The following ACACA variants were observed in gnomAD, a reference collection of about 807,000 sequenced individuals.
ACACA encodes the protein acetyl-CoA carboxylase 1.
Under a neutral mutation model 296.1 loss-of-function variants are expected in ACACA, and 103 were observed. That is an observed-to-expected ratio of 0.35 (90% CI 0.30 to 0.41). The LOEUF (loss-of-function observed/expected upper bound fraction) is 0.41, where lower values mean the gene tolerates loss of function less well. Among genes scored for constraint, ACACA ranks in the 10% least tolerant of loss-of-function variants. ACACA has a pLI of 1.00. For synonymous variants in ACACA, 953 were observed against 1,038.6 expected (o/e 0.92, Z 1.58); for missense variants, 1,554 against 2,989.7 (o/e 0.52, Z 11.20).
intron 3 of ACACA, among the ~76,000 whole-genome samples, chr17:37,320,250 G>A (rs2047288390): frequency 6.6e-6 from 1 of 152,098 alleles, no homozygotes; most frequent in Admixed American, 6.6e-5. Flanking sequence ...AGTGGCTCAC[G>A]CCTGTAATCC....
At chr17:37,383,284 A>G (rs1487027290) in intron 1 of ACACA, among the ~76,000 whole-genome samples, 1 of 152,144 alleles carries the variant, frequency 6.6e-6, no homozygotes, top group African/African-American at 2.4e-5. Flanking sequence ...GACAAGGAAA[A>G]CTGAGGGGTT....
intron 1 of ACACA, among the ~76,000 whole-genome samples, chr17:37,399,336 C>G (rs1292459969): frequency 6.6e-6 from 1 of 152,056 alleles, no homozygotes; most frequent in Non-Finnish European, 1.5e-5. Flanking sequence ...AGGAAAGTTT[C>G]AAAGTCCATG....
Position 37,149,878 on chromosome 17 carries a change from C to T in ACACA, c.5665G>A (p.Gly1889Arg), listed in dbSNP as rs1210593217. The T allele has an allele frequency of 2.5e-6, 4 of 1,614,088 alleles. No homozygotes were observed. The highest frequency in any genetic ancestry group is 3.4e-6 in the Non-Finnish European group (4 of 1,179,962). ...ENSHLILTGA[G>R]ALNKVLGREV... ...TAGAAACTTACTTTGTTGAGGGCTCCAGCTCCTGTTAGAATTAAGTGAGAA... is the reference window on the plus strand; with the variant it reads ...TAGAAACTTACTTTGTTGAGGGCTCTAGCTCCTGTTAGAATTAAGTGAGAA... Residue 1889 changes from glycine to arginine, a missense_variant, in exon 45 of 56, where the codon GGA becomes AGA. Physicochemically the swap from Gly to Arg is moderately radical, Grantham distance 125. This residue lies in a region of ACACA where 553 missense variants were observed against 1,043.6 expected (regional missense o/e 0.53). Transcript: ENST00000616317.
Position 37,128,955 on chromosome 17 carries a change from G to A in ACACA, c.5944+410C>T, listed in dbSNP as rs1036861294. Reference sequence around the variant, plus strand: ...TTCTACACTGAAGGGTCTCAAAGACGTGTGCTAAAACGAAACTGATTAATC... The same window carrying A: ...TTCTACACTGAAGGGTCTCAAAGACATGTGCTAAAACGAAACTGATTAATC... On this transcript the variant is annotated intron_variant, in intron 47 of 55. Transcript: ENST00000616317. 3.9e-5 allele frequency among the ~76,000 whole-genome samples: 6 copies of A among 152,328 alleles called. No homozygotes were observed. In the South Asian group the frequency reaches 6.2e-4, roughly 16 times the overall value.
At position 37,085,305 on chromosome 17, in the gene ACACA, G is replaced by A; in HGVS notation, c.*2011C>T. ...ACAGTAAGGAGCTCTGGGGATGGGG[G>A]AGGAGGCATTACAGGGTTCTAGAGA... On this transcript the variant is annotated 3_prime_UTR_variant, in exon 56 of 56. Transcript: ENST00000616317. 3.8e-6 allele frequency: 1 copy of A among 265,886 alleles called. No homozygotes were observed. Among genetic ancestry groups the A allele is most frequent in the Non-Finnish European group, 7.0e-6 (1 of 142,604 alleles). 16.5% of individuals were successfully genotyped at this position (265,886 alleles called of 1,614,324 possible).
chr17:37,094,193 A>G (rs1377698346), intron 54 of ACACA, among the ~76,000 whole-genome samples: 4 of 152,204 alleles, frequency 2.6e-5, no homozygotes, highest in African/African-American at 9.7e-5. Flanking sequence ...CAGTGAAACT[A>G]TGAACCATAA....
At chr17:37,136,703 G>T (rs1197447031) in intron 45 of ACACA, among the ~76,000 whole-genome samples, 1 of 152,004 alleles carries the variant, frequency 6.6e-6, no homozygotes, top group African/African-American at 2.4e-5. Flanking sequence ...AGCACTTTGG[G>T]AGGCCTAGGC....
chr17:37,249,502 G>A (rs963606200), intron 16 of ACACA, among the ~76,000 whole-genome samples: 9 of 151,994 alleles, frequency 5.9e-5, no homozygotes, highest in African/African-American at 1.9e-4. Flanking sequence ...ATTTCTCTAC[G>A]TACTTGCCAA....
chr17:37,212,388 C>A (rs1303483872), intron 29 of ACACA, among the ~76,000 whole-genome samples: 1 of 152,162 alleles, frequency 6.6e-6, no homozygotes, highest in Non-Finnish European at 1.5e-5. Context: ...AGAGAGCCCC[C>A]TGCTGCTTTG....
At chr17:37,212,796 A>T (rs2078808923) in intron 29 of ACACA, among the ~76,000 whole-genome samples, 1 of 151,898 alleles carries the variant, frequency 6.6e-6, no homozygotes, top group African/African-American at 2.4e-5. Flanking sequence ...TGGCCACTAC[A>T]AATTTTTCAT....
At chr17:37,088,074 C>A (rs1169149179) in intron 55 of ACACA, among the ~76,000 whole-genome samples, 1 of 152,186 alleles carries the variant, frequency 6.6e-6, no homozygotes, top group African/African-American at 2.4e-5. Context: ...ACAGCATGTG[C>A]CCCCAGATGT....
chr17:37,268,247 T>G (rs1477583630), intron 10 of ACACA, among the ~76,000 whole-genome samples: 4 of 152,208 alleles, frequency 2.6e-5, no homozygotes, highest in Non-Finnish European at 5.9e-5. Flanking sequence ...GTTGATAAGC[T>G]GTAAGAAAAA....
intron 8 of ACACA, among the ~76,000 whole-genome samples, chr17:37,275,267 G>A (rs1407185066): frequency 6.6e-6 from 1 of 152,098 alleles, no homozygotes; most frequent in African/African-American, 2.4e-5. Context: ...GGAGGCCAAG[G>A]CAGGTAGATC....
chr17:37,389,992 T>C (rs764848246), intron 1 of ACACA, among the ~76,000 whole-genome samples: 18 of 148,206 alleles, frequency 1.2e-4, no homozygotes, highest in Non-Finnish European at 2.5e-4. Context: ...ATCTTACTTT[T>C]AAGATTTTTA....
At chr17:37,312,721 G>C (rs1414942853) in intron 3 of ACACA, among the ~76,000 whole-genome samples, 4 of 152,224 alleles carry the variant, frequency 2.6e-5, no homozygotes, top group Non-Finnish European at 5.9e-5. Flanking sequence ...AGTCAGTGAT[G>C]GTGGGAACTG....
At chr17:37,324,426 T>G (rs1207195329) in intron 3 of ACACA, among the ~76,000 whole-genome samples, 1 of 150,352 alleles carries the variant, frequency 6.7e-6, no homozygotes, top group Non-Finnish European at 1.5e-5. Flanking sequence ...TCCCAGCACT[T>G]TGGGAGGCTG....
intron 47 of ACACA, among the ~76,000 whole-genome samples, chr17:37,126,522 C>T (rs1484295551): frequency 6.6e-6 from 1 of 152,042 alleles, no homozygotes; most frequent in Non-Finnish European, 1.5e-5. Flanking sequence ...ACTTTTGTTC[C>T]ACAGGTATAA....
At chr17:37,142,025 T>A (rs79145802) in intron 45 of ACACA, among the ~76,000 whole-genome samples, 2 of 151,446 alleles carry the variant, frequency 1.3e-5, no homozygotes, top group Non-Finnish European at 2.9e-5. Flanking sequence ...TTTTTTTTTT[T>A]AATCTAAAGG....
At chr17:37,151,190 C>T in intron 44 of ACACA, 111 bp downstream of exon 44, 3 of 1,236,782 alleles carry the variant, frequency 2.4e-6, no homozygotes, top group Non-Finnish European at 2.3e-6. Context: ...TATAGACATA[C>T]AATCTTCAAG....
Sources: gnomAD v4.1 joint callset for allele counts (sites outside exome capture counted in the v4.1 genomes callset) on GRCh38, gnomAD v4.1.1 for gene constraint, gnomAD v4.1.1 regional missense constraint, MANE v1.5 for transcripts, NCBI Gene and HGNC (gene_info 2026-07-23, HGNC 2026-07-21) for gene names.